SRFBP1: variants seen among roughly 807,000 people sequenced by gnomAD.
SRFBP1 encodes the protein serum response factor binding protein 1.
In SRFBP1, 47 loss-of-function variants were observed where a neutral mutation model predicts 45.5. The ratio of observed to expected loss-of-function variants is 1.03; its 90% CI spans 0.82 to 1.32. SRFBP1 has a LOEUF of 1.32. SRFBP1 is among the 40% of genes most tolerant of loss of function. SRFBP1 has a pLI of 0.00. For missense variants in SRFBP1, 621 were observed against 484.6 expected, an observed-to-expected ratio of 1.28 and a Z score of -2.64; for synonymous variants, 203 against 166.3, an observed-to-expected ratio of 1.22 and a Z score of -1.70.
chr5:122,000,291 C>T (rs932303948), intron 4 of SRFBP1, among the ~76,000 whole-genome samples: 1 of 151,872 alleles, frequency 6.6e-6, no homozygotes, highest in Non-Finnish European at 1.5e-5. Flanking sequence ...ATAGATTTTT[C>T]TATTTTTGCT....
In SRFBP1 at chr5:122,027,133, C is replaced by T. The variant is rs1482066080; in HGVS notation, c.*7C>T. 6.3e-7 allele frequency: 1 copy of T among 1,582,644 alleles called. No individual in the cohort carries two copies. The highest frequency in any genetic ancestry group is 8.6e-7 in the Non-Finnish European group (1 of 1,167,900). On this transcript the variant is annotated 3_prime_UTR_variant, in exon 8 of 8. Coordinates refer to ENST00000339397, the MANE Select transcript of SRFBP1 (RefSeq NM_152546.3). Reference sequence around the variant, plus strand: ...AATTACGTTTGATGATTGATTAGTGCCTCTTTCTGCAAACTTTTCCATCTA... The same window carrying T: ...AATTACGTTTGATGATTGATTAGTGTCTCTTTCTGCAAACTTTTCCATCTA...
chr5:122,047,937 G>A (rs1287913130), intron 2 of SRFBP1, among the ~76,000 whole-genome samples: 1 of 152,164 alleles, frequency 6.6e-6, no homozygotes, highest in Non-Finnish European at 1.5e-5. Flanking sequence ...AGCTTAAGGA[G>A]ATTTTGGGCT....
chr5:122,026,897 C>A, intron 7 of SRFBP1, 45 bp from the exon 8 acceptor site: 3 of 1,328,754 alleles, frequency 2.3e-6, no homozygotes, highest in Non-Finnish European at 3.1e-6. Flanking sequence ...CTCCTATATG[C>A]TCTTTAAGTA....
At chr5:122,010,689 A>G (rs940879375) in intron 4 of SRFBP1, among the ~76,000 whole-genome samples, 2 of 151,782 alleles carry the variant, frequency 1.3e-5, no homozygotes, top group South Asian at 2.1e-4. Flanking sequence ...GTATGTATGT[A>G]TGTGTGTGTG....
chr5:121,996,592 G>C (rs1278962260), intron 4 of SRFBP1, among the ~76,000 whole-genome samples: 4 of 44,268 alleles, frequency 9.0e-5, no homozygotes, highest in African/African-American at 4.2e-4. Context: ...CATTCCCTTT[G>C]AAAACTGGCA....
At chr5:122,035,571 G>A (rs1190058525) in intron 2 of SRFBP1, among the ~76,000 whole-genome samples, 1 of 152,038 alleles carries the variant, frequency 6.6e-6, no homozygotes. Context: ...ACATCTCTTT[G>A]TTGGATTCAA....
At chr5:122,034,069 C>A (rs1002310023) in intron 2 of SRFBP1, among the ~76,000 whole-genome samples, 6 of 152,292 alleles carry the variant, frequency 3.9e-5, no homozygotes, top group Admixed American at 1.3e-4. Flanking sequence ...GGTGATCCAC[C>A]CGCCTCAGCC....
intron 3 of SRFBP1, among the ~76,000 whole-genome samples, chr5:121,989,074 T>C (rs1317196328): frequency 6.6e-6 from 1 of 152,088 alleles, no homozygotes; most frequent in Non-Finnish European, 1.5e-5. Flanking sequence ...TTTGTTTGTT[T>C]GTTTGTTTGA....
intron 6 of SRFBP1, 30 bp downstream of exon 6, chr5:122,020,832 C>G (rs75655531): frequency 0.042 from 62,096 of 1,484,576 alleles, 1,438 homozygotes; most frequent in African/African-American, 0.052. Flanking sequence ...CTGAAATAAT[C>G]ATTAGTTCTT....
chr5:122,038,553 C>T (rs1325966987), intron 2 of SRFBP1, among the ~76,000 whole-genome samples: 1 of 152,184 alleles, frequency 6.6e-6, no homozygotes, highest in Non-Finnish European at 1.5e-5. Flanking sequence ...TCACTGCTTC[C>T]AGTCCCAAGT....
rs774033802 is a variant in SRFBP1 at position 122,020,461 on chromosome 5, A to T, written c.726A>T (p.Ser242=). 5.0e-6 allele frequency: 8 copies of T among 1,613,902 alleles called. No homozygotes were observed. The highest frequency in any genetic ancestry group is 6.8e-6 in the Non-Finnish European group (8 of 1,179,918). The change falls in exon 6 of 8, where the codon TCA becomes TCT. Residue 242 remains serine (S), a synonymous_variant. Transcript: ENST00000339397. Reference sequence around the variant, plus strand: ...AAAAAAACAAAGGATCTGATAGCTCACTCTCTGGTAACAGTGATGGCGGAG... The same window carrying T: ...AAAAAAACAAAGGATCTGATAGCTCTCTCTCTGGTAACAGTGATGGCGGAG... ...QTKKNKGSDS[S]LSGNSDGGEE...
intron 2 of SRFBP1, among the ~76,000 whole-genome samples, chr5:122,069,726 C>T (rs570684844): frequency 1.3e-5 from 2 of 152,098 alleles, no homozygotes; most frequent in Non-Finnish European, 2.9e-5. Flanking sequence ...GAAGCAACTA[C>T]TGGGGCTTCT....
intron 2 of SRFBP1, chr5:122,069,899 AAAAT>A: frequency 1.4e-6 from 1 of 704,388 alleles, no homozygotes. Context: ...ATTATTTAAA[AAAAT>A]AAAATCAGAC....
chr5:121,975,434 T>A (rs1283666811), intron 3 of SRFBP1, 47 bp downstream of exon 3: 12 of 1,600,034 alleles, frequency 7.5e-6, no homozygotes, highest in East Asian at 2.2e-5. Context: ...CTGAGTATCC[T>A]GTTATCCTGC....
At chr5:122,021,525 A>G (rs1012512033) in intron 6 of SRFBP1, among the ~76,000 whole-genome samples, 2 of 152,198 alleles carry the variant, frequency 1.3e-5, no homozygotes, top group Non-Finnish European at 2.9e-5. Flanking sequence ...AAAATGTCAC[A>G]GTATGGCAAA....
rs899443704 is a variant in SRFBP1 at position 122,034,084 on chromosome 5, A to G, written n.311+11677A>G. ...GGTGATCCACCCGCCTCAGCCTCCCATGGTGCTGGGATTAAAGGCGTGAAC... is the reference window on the plus strand; with the variant it reads ...GGTGATCCACCCGCCTCAGCCTCCCGTGGTGCTGGGATTAAAGGCGTGAAC... On this transcript the variant is annotated intron_variant and non_coding_transcript_variant, in intron 2 of 2. Transcript: ENST00000504881. Among the ~76,000 whole-genome samples, 21 of 152,258 alleles carry G rather than the reference A, an allele frequency of 1.4e-4. No individual in the cohort carries two copies. The South Asian group carries it at 1.9e-3, about 14-fold the overall frequency.
In SRFBP1 at chr5:121,962,049, C is replaced by T. The variant is rs1372849145; in HGVS notation, c.17C>T (p.Thr6Ile). 1 of 1,614,126 alleles carries T rather than the reference C, an allele frequency of 6.2e-7. No homozygotes were observed. Among genetic ancestry groups the T allele is most frequent in the African/African-American group, 1.3e-5 (1 of 75,042 alleles). The change falls in exon 1 of 8, where the codon ACT becomes ATT. Residue 6 changes from threonine to isoleucine, a missense_variant. Transcript: ENST00000339397. MAQPG[T>I]LNLNNEVVKM... ...TCATCTACCATGGCTCAGCCGGGAA[C>T]TCTGAACCTCAATAACGAGGTGAGC...
chr5:121,982,397 A>G (rs957459683), intron 3 of SRFBP1, among the ~76,000 whole-genome samples: 1 of 151,934 alleles, frequency 6.6e-6, no homozygotes, highest in African/African-American at 2.4e-5. Context: ...TGTAGTTTCT[A>G]CAGCTTTAAG....
intron 4 of SRFBP1, among the ~76,000 whole-genome samples, chr5:122,001,297 C>G (rs1474958336): frequency 6.6e-6 from 1 of 151,112 alleles, no homozygotes; most frequent in African/African-American, 2.4e-5. Flanking sequence ...AGATTGGTAG[C>G]TAAATACTCA....
Sources: gnomAD v4.1 joint callset for allele counts (sites outside exome capture counted in the v4.1 genomes callset) on GRCh38, gnomAD v4.1.1 for gene constraint, MANE v1.5 for transcripts, NCBI Gene and HGNC (gene_info 2026-07-23, HGNC 2026-07-21) for gene names.